NEO1: variants seen among roughly 807,000 people sequenced by gnomAD.
The protein encoded by NEO1 is neogenin.
A neutral mutation model predicts 159.7 loss-of-function variants in NEO1; 63 were observed. The ratio of observed to expected loss-of-function variants is 0.39; its 90% CI spans 0.32 to 0.49. The LOEUF (loss-of-function observed/expected upper bound fraction) is 0.49, where lower values mean the gene tolerates loss of function less well. NEO1 is among the 20% of genes least tolerant of loss of function. The probability of loss-of-function intolerance (pLI) is 0.85; values close to 1 mark genes in which losing one functional copy is unlikely to be tolerated. For missense variants in NEO1, 1,615 were observed against 1,831.0 expected (o/e 0.88, Z 2.15); for synonymous variants, 633 against 662.0 (o/e 0.96, Z 0.67).
At chr15:73,292,147 G>A (rs909412413) in intron 25 of NEO1, among the ~76,000 whole-genome samples, 3 of 152,166 alleles carry the variant, frequency 2.0e-5, no homozygotes, top group African/African-American at 4.8e-5. Flanking sequence ...AGTGCTCAAG[G>A]GTCCCAGTCA....
intron 9 of NEO1, among the ~76,000 whole-genome samples, chr15:73,245,294 T>C (rs942821997): frequency 2.0e-5 from 3 of 152,226 alleles, no homozygotes; most frequent in Non-Finnish European, 4.4e-5. Context: ...TCTTTAGGCA[T>C]ACCATGCTCT....
chr15:73,211,380 G>C (rs1567493158), intron 7 of NEO1, among the ~76,000 whole-genome samples: 1 of 152,158 alleles, frequency 6.6e-6, no homozygotes, highest in Non-Finnish European at 1.5e-5. Flanking sequence ...GGAGCAGACA[G>C]CCCAGCAGTC....
chr15:73,294,587 T>G (rs1236830718), intron 26 of NEO1, among the ~76,000 whole-genome samples: 1 of 152,170 alleles, frequency 6.6e-6, no homozygotes, highest in African/African-American at 2.4e-5. Context: ...TTGCCCAGGC[T>G]GGAGTGCAGT....
At chr15:73,128,338 G>A (rs1265492966) in intron 4 of NEO1, among the ~76,000 whole-genome samples, 5 of 151,304 alleles carry the variant, frequency 3.3e-5, no homozygotes, top group Admixed American at 1.3e-4. Flanking sequence ...CTACAAGTTA[G>A]AACAAAATCT....
At chr15:73,210,823 AAGTC>A (rs1326416930) in intron 7 of NEO1, among the ~76,000 whole-genome samples, 4 of 152,196 alleles carry the variant, frequency 2.6e-5, no homozygotes, top group Non-Finnish European at 5.9e-5. Context: ...TCTGTTTAGA[AAGTC>A]AGCCCCAGAA....
chr15:73,197,824 G>A (rs764494333), intron 7 of NEO1, among the ~76,000 whole-genome samples: 6 of 151,718 alleles, frequency 4.0e-5, no homozygotes, highest in Non-Finnish European at 8.8e-5. Flanking sequence ...AGGATTACAG[G>A]CACCCACTAC....
intron 7 of NEO1, among the ~76,000 whole-genome samples, chr15:73,219,434 T>G (rs201867606): frequency 2.7e-3 from 371 of 138,576 alleles, no homozygotes; most frequent in East Asian, 7.5e-3. Context: ...AGATGTCTAT[T>G]AGGTCTGCTT....
rs1026738541 is a variant in NEO1 at position 73,063,943 on chromosome 15, T to C, written c.130+11138T>C. ...TTCCTGTTAGATGTTGTGGGCATCTTTTATGAATCAGCGATTTCTCTGGAG... is the reference window on the plus strand; with the variant it reads ...TTCCTGTTAGATGTTGTGGGCATCTCTTATGAATCAGCGATTTCTCTGGAG... On this transcript the variant is annotated intron_variant, in intron 1 of 28. Transcript: ENST00000261908. Among the ~76,000 whole-genome samples, 3 of 152,210 alleles carry C rather than the reference T, an allele frequency of 2.0e-5. No homozygotes were observed. The South Asian group carries it at 6.2e-4, about 32-fold the overall frequency.
At position 73,282,924 on chromosome 15, in the gene NEO1, T is replaced by C. The variant is rs554038057; in HGVS notation, c.3263-40T>C. 3 of 1,590,988 alleles carry C rather than the reference T, an allele frequency of 1.9e-6. No individual in the cohort carries two copies. The South Asian group carries it at 3.4e-5, about 18-fold the overall frequency. ...AGCTTGATAGTATGCATGTTTTAAA[T>C]TCTCTAACCCTAACACATGTACCAT... On this transcript the variant is annotated intron_variant, in intron 22 of 28. Transcript: ENST00000261908.
intron 3 of NEO1, among the ~76,000 whole-genome samples, chr15:73,123,811 C>G (rs1037734197): frequency 6.6e-6 from 1 of 152,048 alleles, no homozygotes; most frequent in African/African-American, 2.4e-5. Flanking sequence ...ATTGAACTAT[C>G]CCTACATTAT....
intron 1 of NEO1, among the ~76,000 whole-genome samples, chr15:73,101,805 C>T (rs2070416633): frequency 1.3e-5 from 2 of 152,128 alleles, no homozygotes; most frequent in African/African-American, 4.8e-5. Context: ...TTGCCTGTAT[C>T]TATTTCAGTC....
chr15:73,244,973 A>AAAAAAC (rs1555458852), intron 9 of NEO1, among the ~76,000 whole-genome samples: 1 of 147,582 alleles, frequency 6.8e-6, no homozygotes, highest in African/African-American at 2.5e-5. Context: ...AAAAAAAAAA[A>AAAAAAC]AAAAAAAAAA....
chr15:73,105,141 T>A (rs1304924929), intron 1 of NEO1, among the ~76,000 whole-genome samples: 1 of 152,212 alleles, frequency 6.6e-6, no homozygotes, highest in Non-Finnish European at 1.5e-5. Context: ...GTTTTCATTA[T>A]AAGCATCAGA....
intron 23 of NEO1, among the ~76,000 whole-genome samples, chr15:73,284,994 A>G (rs1447116367): frequency 6.6e-6 from 1 of 152,056 alleles, no homozygotes; most frequent in Non-Finnish European, 1.5e-5. Context: ...GGCATTTAAT[A>G]TTTATCTATC....
intron 5 of NEO1, among the ~76,000 whole-genome samples, chr15:73,174,598 A>C (rs764216477): frequency 6.6e-5 from 10 of 152,138 alleles, no homozygotes; most frequent in Non-Finnish European, 1.0e-4. Context: ...TCCAAACTGA[A>C]AATTAAGCCC....
rs559494072 is a variant in NEO1, at chr15:73,127,516, A to G, written c.878+946A>G. Among the ~76,000 whole-genome samples the G allele has an allele frequency of 8.9e-4, 135 of 152,286 alleles. 1 individual carries two copies. Among genetic ancestry groups the G allele is most frequent in the African/African-American group, 3.2e-3 (131 of 41,556 alleles). On this transcript the variant is annotated intron_variant, in intron 4 of 28. Coordinates refer to ENST00000261908, the MANE Select transcript of NEO1 (RefSeq NM_002499.4). ...CCTTCTACCCATAGGTGGCAGTAGC[A>G]CTTCCGCATTGTGACAACCAAAAAT...
chr15:73,089,742 AT>A (rs2069576561), intron 1 of NEO1, among the ~76,000 whole-genome samples: 1 of 152,106 alleles, frequency 6.6e-6, no homozygotes, highest in South Asian at 2.1e-4. Context: ...GGTGATATTT[AT>A]CAAAATTTAA....
At chr15:73,137,053 C>G (rs973982417) in intron 5 of NEO1, among the ~76,000 whole-genome samples, 3 of 152,166 alleles carry the variant, frequency 2.0e-5, no homozygotes, top group Admixed American at 2.0e-4. Flanking sequence ...CCTCAGCCTC[C>G]TCTTTTCTTA....
intron 1 of NEO1, among the ~76,000 whole-genome samples, chr15:73,087,337 G>T (rs1372063827): frequency 2.6e-5 from 4 of 152,090 alleles, no homozygotes; most frequent in Non-Finnish European, 5.9e-5. Flanking sequence ...TCTTATATTA[G>T]GATAAACCTC....
Sources: allele counts gnomAD v4.1 joint callset (sites outside exome capture counted in the v4.1 genomes callset), GRCh38; gene constraint gnomAD v4.1.1; transcripts MANE v1.5; gene names NCBI Gene and HGNC (gene_info 2026-07-23, HGNC 2026-07-21).